CPPED1: variants seen among roughly 807,000 people sequenced by gnomAD.
CPPED1 encodes the protein calcineurin like phosphoesterase domain containing 1, also known as serine/threonine-protein phosphatase CPPED1.
A neutral mutation model predicts 28.0 loss-of-function variants in CPPED1; 28 were observed. The observed-to-expected ratio is 1.00, with a 90% CI of 0.74 to 1.37. The LOEUF is 1.37. CPPED1 is among the 40% of genes most tolerant of loss of function. The pLI is 0.00. For missense variants in CPPED1, 504 were observed against 416.5 expected, an observed-to-expected ratio of 1.21 and a Z score of -1.83; for synonymous variants, 198 against 180.2, an observed-to-expected ratio of 1.10 and a Z score of -0.79.
At chr16:12,764,632 C>A (rs1443317361) in intron 2 of CPPED1, among the ~76,000 whole-genome samples, 1 of 152,208 alleles carries the variant, frequency 6.6e-6, no homozygotes, top group Non-Finnish European at 1.5e-5. Context: ...AGCCACTGCG[C>A]CTGGCCTGAT....
intron 3 of CPPED1, among the ~76,000 whole-genome samples, chr16:12,665,576 G>T (rs2141163369): frequency 6.6e-6 from 1 of 152,002 alleles, no homozygotes; most frequent in South Asian, 2.1e-4. Flanking sequence ...TGGATCACTT[G>T]AGGTCAGGAG....
At position 12,695,367 on chromosome 16, in the gene CPPED1, C is replaced by A. The variant is rs900165563; in HGVS notation, c.715+9257G>T. Among the ~76,000 whole-genome samples, 4 of 152,086 alleles carry A rather than the reference C, an allele frequency of 2.6e-5. No homozygotes were observed. In the East Asian group the frequency reaches 7.7e-4, roughly 29 times the overall value. ...GCAGACTTGGCTTCCGGGGCTCAAG[C>A]GATCCTCCCACCTCAGCCTTCTGAG... On this transcript the variant is annotated intron_variant, in intron 3 of 3. Transcript: ENST00000381774.
At position 12,723,096 on chromosome 16, in the gene CPPED1, A is replaced by T. The variant is rs117750361; in HGVS notation, c.290-18047T>A. Among the ~76,000 whole-genome samples, 1,263 of 152,278 alleles carry T rather than the reference A, an allele frequency of 8.3e-3. 17 individuals are homozygous for T. The highest frequency in any genetic ancestry group is 0.068 in the East Asian group (350 of 5,176). Reference sequence around the variant, plus strand: ...TCGGCAACGTCTCCACCCGGCTCCCATCTAACTTCCGTATGTGCGCACACA... The same window carrying T: ...TCGGCAACGTCTCCACCCGGCTCCCTTCTAACTTCCGTATGTGCGCACACA... On this transcript the variant is annotated intron_variant, in intron 2 of 3. Transcript: ENST00000381774.
rs373744185 is a variant in CPPED1 at position 12,664,874 on chromosome 16, C to T, written c.*12G>A. 74 of 1,607,498 alleles carry T rather than the reference C, an allele frequency of 4.6e-5. No individual in the cohort carries two copies. Among genetic ancestry groups the T allele is most frequent in the Non-Finnish European group, 5.2e-5 (61 of 1,177,860 alleles). ...AGTGCAAGTGAAAAGTGAACGGGAA[C>T]GGGAAGGAGCGTCATTTTTTCTTGA... On this transcript the variant is annotated 3_prime_UTR_variant, in exon 4 of 4. Coordinates refer to ENST00000381774, the MANE Select transcript of CPPED1 (RefSeq NM_018340.3). The surrounding 1 kb of genome is among the most constrained non-coding windows in gnomAD (Gnocchi z 4.2).
chr16:12,695,726 T>G (rs6498352), intron 3 of CPPED1, among the ~76,000 whole-genome samples: 10 of 152,072 alleles, frequency 6.6e-5, no homozygotes, highest in African/African-American at 2.4e-4. Context: ...AAATGCTGAG[T>G]TGTAACCCAT....
At chr16:12,694,049 T>C (rs571225763) in intron 3 of CPPED1, among the ~76,000 whole-genome samples, 10 of 152,152 alleles carry the variant, frequency 6.6e-5, no homozygotes, top group African/African-American at 2.4e-4. Context: ...CTTCTAAAAA[T>C]ACAAAAATTA....
chr16:12,688,232 G>C (rs903246906), intron 3 of CPPED1, among the ~76,000 whole-genome samples: 3 of 151,106 alleles, frequency 2.0e-5, no homozygotes, highest in African/African-American at 4.9e-5. Flanking sequence ...CCAATAGGTA[G>C]AAAGCAAAGT....
At chr16:12,708,021 C>G (rs995215445) in intron 2 of CPPED1, among the ~76,000 whole-genome samples, 1 of 152,176 alleles carries the variant, frequency 6.6e-6, no homozygotes, top group Admixed American at 6.5e-5. Context: ...GTGGCATACA[C>G]CTGTTGTCCC....
rs1344257359 is a variant in CPPED1, at chr16:12,660,164, G to T, written c.*4722C>A. The T allele has an allele frequency of 6.6e-6, 1 of 152,196 alleles. No individual in the cohort carries two copies. The allele number at this position is 152,196 out of a possible 1,614,324, so 9.4% of individuals were successfully genotyped here. Reference sequence around the variant, plus strand: ...GCAGGAAGGCCACTTTCAGGGGTGAGCGTTTGAGTGGATGTTGAAATGATG... The same window carrying T: ...GCAGGAAGGCCACTTTCAGGGGTGATCGTTTGAGTGGATGTTGAAATGATG... On this transcript the variant is annotated 3_prime_UTR_variant, in exon 4 of 4. Coordinates refer to ENST00000381774, the MANE Select transcript of CPPED1 (RefSeq NM_018340.3).
At chr16:12,790,959 G>A (rs1371413621) in intron 1 of CPPED1, among the ~76,000 whole-genome samples, 1 of 145,874 alleles carries the variant, frequency 6.9e-6, no homozygotes, top group Non-Finnish European at 1.5e-5. Flanking sequence ...CATAGTATTA[G>A]TATGTCTGTT....
intron 3 of CPPED1, among the ~76,000 whole-genome samples, chr16:12,701,047 G>C (rs1032282012): frequency 6.6e-6 from 1 of 152,088 alleles, no homozygotes; most frequent in East Asian, 1.9e-4. Flanking sequence ...GGGCAACACA[G>C]TGAGACCTCC....
intron 2 of CPPED1, among the ~76,000 whole-genome samples, chr16:12,774,396 A>T (rs2080486045): frequency 6.6e-6 from 1 of 151,632 alleles, no homozygotes; most frequent in African/African-American, 2.4e-5. Context: ...TGAACCCGGG[A>T]GGCAGAGGTT....
In CPPED1 at chr16:12,682,272, T is replaced by G. The variant is rs952506122; in HGVS notation, c.716-17157A>C. Among the ~76,000 whole-genome samples, 7 of 152,058 alleles carry G rather than the reference T, an allele frequency of 4.6e-5. No homozygotes were observed. The highest frequency in any genetic ancestry group is 8.8e-5 in the Non-Finnish European group (6 of 68,014). ...CTGATCTCAAACTCCTGAACTCAGG[T>G]GATCGACCCACTTTGGTCTCCCAAA... is the stretch of plus-strand genomic sequence containing the variant. On this transcript the variant is annotated intron_variant, in intron 3 of 3. Coordinates refer to ENST00000381774, the MANE Select transcript of CPPED1 (RefSeq NM_018340.3). The surrounding 1 kb of genome is among the most constrained non-coding windows in gnomAD (Gnocchi z 6.1).
At chr16:12,764,031 A>AT (rs34298808) in intron 2 of CPPED1, among the ~76,000 whole-genome samples, 4,923 of 143,274 alleles carry the variant, frequency 0.034, 244 homozygotes, top group African/African-American at 0.12. Flanking sequence ...TCCCATTTGC[A>AT]TTTTTTTTTT....
intron 2 of CPPED1, among the ~76,000 whole-genome samples, chr16:12,718,026 T>C (rs2080116565): frequency 1.3e-5 from 2 of 152,186 alleles, no homozygotes; most frequent in South Asian, 4.1e-4. Context: ...AGAGCTGGTG[T>C]TTTCAGCTAA....
At chr16:12,712,655 T>C (rs1416512002) in intron 2 of CPPED1, among the ~76,000 whole-genome samples, 1 of 152,138 alleles carries the variant, frequency 6.6e-6, no homozygotes, top group African/African-American at 2.4e-5. Flanking sequence ...GGTGCACTGT[T>C]AAGGTTTGGG....
chr16:12,791,620 G>C (rs2080597162), intron 1 of CPPED1, among the ~76,000 whole-genome samples: 1 of 152,100 alleles, frequency 6.6e-6, no homozygotes, highest in African/African-American at 2.4e-5. Flanking sequence ...AGGTATTCAT[G>C]GTTCCCACCT....
At chr16:12,768,702 T>A (rs1372624853) in intron 2 of CPPED1, among the ~76,000 whole-genome samples, 1 of 152,128 alleles carries the variant, frequency 6.6e-6, no homozygotes, top group Admixed American at 6.6e-5. Context: ...CTTCTGATAT[T>A]TAGCATTTCC....
At chr16:12,723,240 C>G (rs542891830) in intron 2 of CPPED1, among the ~76,000 whole-genome samples, 1 of 152,142 alleles carries the variant, frequency 6.6e-6, no homozygotes, top group Admixed American at 6.5e-5. Context: ...AGTGGGCGAG[C>G]CTTAGGCAAT....
Sources: allele counts gnomAD v4.1 joint callset (sites outside exome capture counted in the v4.1 genomes callset), GRCh38; gene constraint gnomAD v4.1.1; non-coding constraint Gnocchi (gnomAD v3.1); transcripts MANE v1.5; gene names NCBI Gene and HGNC (gene_info 2026-07-23, HGNC 2026-07-21).